TCF12: variants seen among roughly 807,000 people sequenced by gnomAD.
The protein encoded by TCF12 is DNA-binding protein HTF4.
In TCF12, 45 loss-of-function variants were observed where a neutral mutation model predicts 86.0. That is an observed-to-expected ratio of 0.52 (90% CI 0.41 to 0.67). The LOEUF is 0.67. Among genes scored for constraint, TCF12 ranks in the 30% least tolerant of loss-of-function variants. TCF12 has a pLI of 0.00. For synonymous variants in TCF12, 330 were observed against 299.6 expected (o/e 1.10, Z -1.05); for missense variants, 881 against 859.9 (o/e 1.02, Z -0.31).
chr15:56,956,064 T>C (rs928572028), intron 3 of TCF12, among the ~76,000 whole-genome samples: 1 of 152,142 alleles, frequency 6.6e-6, no homozygotes, highest in African/African-American at 2.4e-5. Flanking sequence ...TCTTTTGATA[T>C]GTTAGCACTG....
intron 5 of TCF12, 87 bp downstream of exon 5, chr15:57,091,978 A>T: frequency 9.6e-7 from 1 of 1,042,966 alleles, no homozygotes; most frequent in Non-Finnish European, 1.4e-6. Flanking sequence ...AGGGACAGGT[A>T]AGTATCTAGA....
At chr15:56,973,112 A>T (rs1432912198) in intron 3 of TCF12, among the ~76,000 whole-genome samples, 5 of 152,088 alleles carry the variant, frequency 3.3e-5, no homozygotes, top group African/African-American at 1.2e-4. Flanking sequence ...TCGAAGGAAG[A>T]GATCCTGTAA....
chr15:57,227,535 C>A (rs1023666537), intron 8 of TCF12, among the ~76,000 whole-genome samples: 1 of 152,126 alleles, frequency 6.6e-6, no homozygotes, highest in African/African-American at 2.4e-5. Context: ...CCAAAGTATA[C>A]TATCCCTTTT....
intron 18 of TCF12, among the ~76,000 whole-genome samples, chr15:57,264,826 T>A (rs1331040363): frequency 2.0e-5 from 3 of 152,032 alleles, no homozygotes; most frequent in East Asian, 1.9e-4. Flanking sequence ...GCCTCCCGGG[T>A]TCAAGCAGTT....
At chr15:57,245,649 G>T (rs1307808346) in intron 13 of TCF12, among the ~76,000 whole-genome samples, 2 of 152,098 alleles carry the variant, frequency 1.3e-5, no homozygotes, top group African/African-American at 2.4e-5. Flanking sequence ...CAGAATCCAA[G>T]ATTTAGACAT....
At chr15:57,026,495 A>C (rs1381730007) in intron 3 of TCF12, among the ~76,000 whole-genome samples, 1 of 152,282 alleles carries the variant, frequency 6.6e-6, no homozygotes, top group African/African-American at 2.4e-5. Flanking sequence ...ACTTCTGCCA[A>C]CTTTTCTCCA....
intron 3 of TCF12, among the ~76,000 whole-genome samples, chr15:56,940,739 C>T (rs1430491441): frequency 9.0e-6 from 1 of 110,560 alleles, no homozygotes; most frequent in Admixed American, 8.8e-5. Context: ...TCTCCCCCCC[C>T]TTCTCCTCCT....
At chr15:57,019,726 C>A (rs538971625) in intron 3 of TCF12, among the ~76,000 whole-genome samples, 3 of 150,972 alleles carry the variant, frequency 2.0e-5, no homozygotes, top group African/African-American at 7.3e-5. Flanking sequence ...GCCTTAGGTT[C>A]TCAATAGTGA....
At chr15:57,165,240 G>A (rs1156484482) in intron 5 of TCF12, among the ~76,000 whole-genome samples, 1 of 151,616 alleles carries the variant, frequency 6.6e-6, no homozygotes, top group Non-Finnish European at 1.5e-5. Context: ...CTTTCCGTAG[G>A]GAAATATATA....
At chr15:57,243,781 G>C (rs555792784) in intron 13 of TCF12, among the ~76,000 whole-genome samples, 3 of 152,236 alleles carry the variant, frequency 2.0e-5, no homozygotes, top group African/African-American at 7.2e-5. Context: ...TGTAATTTGT[G>C]ATCATTTCTA....
At chr15:57,101,083 A>G (rs2049710342) in intron 5 of TCF12, among the ~76,000 whole-genome samples, 1 of 152,108 alleles carries the variant, frequency 6.6e-6, no homozygotes, top group Non-Finnish European at 1.5e-5. Flanking sequence ...TTCTTCTTGG[A>G]AAATTCAGCC....
intron 5 of TCF12, among the ~76,000 whole-genome samples, chr15:57,165,164 G>GTGTGTGTGTA (rs57965949): frequency 7.9e-6 from 1 of 127,274 alleles, no homozygotes; most frequent in African/African-American, 2.6e-5. Context: ...GTGTGTGTGT[G>GTGTGTGTGTA]CGTACACGAG....
intron 3 of TCF12, among the ~76,000 whole-genome samples, chr15:57,045,135 T>A (rs1372872882): frequency 2.6e-5 from 4 of 152,194 alleles, no homozygotes; most frequent in East Asian, 3.8e-4. Flanking sequence ...TGATGGTGAT[T>A]ATAGACACTT....
rs374179677 is a variant in TCF12 at position 57,158,184 on chromosome 15, G to GTTTTTT, written c.326-8215_326-8214insTTTTTT. On this transcript the variant is annotated intron_variant, in intron 5 of 20. Coordinates refer to ENST00000333725, the MANE Select transcript of TCF12 (RefSeq NM_207037.2). Reference sequence around the variant, plus strand: ...ACAGATGTTAAAGTCTCAGAAAGTCGTTTCTTTTTTTTTTTTTTCTTTGAG... The same window carrying GTTTTTT: ...ACAGATGTTAAAGTCTCAGAAAGTCGTTTTTTTTTCTTTTTTTTTTTTTTCTTTGAG... Among the ~76,000 whole-genome samples, 45 of 134,114 alleles carry GTTTTTT rather than the reference G, an allele frequency of 3.4e-4. 2 individuals carry two copies. The highest frequency in any genetic ancestry group is 4.7e-4 in the Non-Finnish European group (29 of 62,322). 88.0% of individuals were successfully genotyped at this position (134,114 alleles called of 152,430 possible).
intron 3 of TCF12, among the ~76,000 whole-genome samples, chr15:56,970,572 A>G (rs2062255150): frequency 6.6e-6 from 1 of 152,016 alleles, no homozygotes; most frequent in African/African-American, 2.4e-5. Context: ...GAATGAAACT[A>G]CAAATATAGG....
intron 4 of TCF12, among the ~76,000 whole-genome samples, chr15:57,064,593 G>T (rs1567347778): frequency 6.6e-6 from 1 of 151,846 alleles, no homozygotes; most frequent in African/African-American, 2.4e-5. Flanking sequence ...TCAGAAGTTC[G>T]AGTCCAGCCT....
chr15:57,223,352 G>A (rs895943549), intron 8 of TCF12, among the ~76,000 whole-genome samples: 1 of 151,832 alleles, frequency 6.6e-6, no homozygotes, highest in Non-Finnish European at 1.5e-5. Context: ...ATACTACATT[G>A]GATCCAATGT....
At chr15:57,226,943 A>G (rs1277804249) in intron 8 of TCF12, among the ~76,000 whole-genome samples, 1 of 152,190 alleles carries the variant, frequency 6.6e-6, no homozygotes, top group African/African-American at 2.4e-5. Context: ...CAGCATAGAT[A>G]CGGAACATTT....
At chr15:56,924,590 A>G (rs1463300372) in intron 3 of TCF12, among the ~76,000 whole-genome samples, 1 of 152,212 alleles carries the variant, frequency 6.6e-6, no homozygotes, top group Non-Finnish European at 1.5e-5. Flanking sequence ...TATTATGTAC[A>G]TATTAGTGTT....
Sources: allele counts gnomAD v4.1 joint callset (sites outside exome capture counted in the v4.1 genomes callset), GRCh38; gene constraint gnomAD v4.1.1; transcripts MANE v1.5; gene names NCBI Gene and HGNC (gene_info 2026-07-23, HGNC 2026-07-21).